SNX6: variants seen among roughly 807,000 people sequenced by gnomAD.
SNX6 encodes the protein sorting nexin-6.
Under a neutral mutation model 63.0 loss-of-function variants are expected in SNX6, and 34 were observed. The observed-to-expected ratio is 0.54, with a 90% confidence interval of 0.41 to 0.72. The LOEUF (loss-of-function observed/expected upper bound fraction) is 0.72. SNX6 is among the 30% of genes least tolerant of loss of function. SNX6 has a pLI of 0.00. For missense variants in SNX6, 398 were observed against 471.4 expected, an observed-to-expected ratio of 0.84 and a Z score of 1.44; for synonymous variants, 170 against 164.2, an observed-to-expected ratio of 1.04 and a Z score of -0.27.
At chr14:34,623,627 A>C (rs756621983) in intron 2 of SNX6, among the ~76,000 whole-genome samples, 1 of 152,210 alleles carries the variant, frequency 6.6e-6, no homozygotes, top group Non-Finnish European at 1.5e-5. Context: ...AGCACATGAA[A>C]GATGGGATAA....
intron 2 of SNX6, among the ~76,000 whole-genome samples, chr14:34,627,173 G>A (rs1426397863): frequency 2.6e-5 from 4 of 152,096 alleles, no homozygotes; most frequent in Non-Finnish European, 5.9e-5. Context: ...TTGGCCAGGC[G>A]CGGTGGCTCA....
intron 4 of SNX6, among the ~76,000 whole-genome samples, chr14:34,607,110 C>T (rs920158971): frequency 4.6e-5 from 7 of 151,956 alleles, no homozygotes; most frequent in African/African-American, 1.7e-4. Flanking sequence ...TATGGTTTGT[C>T]ACATCTCCTT....
intron 11 of SNX6, among the ~76,000 whole-genome samples, chr14:34,573,657 G>A (rs988052401): frequency 2.0e-5 from 3 of 148,976 alleles, no homozygotes; most frequent in African/African-American, 5.0e-5. Flanking sequence ...TATTTTTTTC[G>A]AGACGGAGTC....
intron 13 of SNX6, among the ~76,000 whole-genome samples, chr14:34,565,501 T>C (rs914466748): frequency 9.2e-5 from 14 of 152,176 alleles, no homozygotes; most frequent in Admixed American, 7.9e-4. Context: ...AGCAAAACTT[T>C]TGGTAGTTCA....
At chr14:34,573,775 T>C (rs1403556270) in intron 11 of SNX6, among the ~76,000 whole-genome samples, 1 of 151,758 alleles carries the variant, frequency 6.6e-6, no homozygotes, top group Non-Finnish European at 1.5e-5. Flanking sequence ...CTGGAGTAGC[T>C]GTGATTACAG....
At chr14:34,627,422 TCGGCCTGGGCG>T (rs1168505465) in intron 2 of SNX6, among the ~76,000 whole-genome samples, 4 of 150,956 alleles carry the variant, frequency 2.6e-5, no homozygotes, top group Non-Finnish European at 4.4e-5. Context: ...AGTCGGGCCT[TCGGCCTGGGCG>T]AAAGAGCGAG....
chr14:34,568,034 C>G, intron 11 of SNX6, 21 bp from the exon 12 acceptor site: 1 of 1,604,532 alleles, frequency 6.2e-7, no homozygotes, highest in Non-Finnish European at 8.5e-7. Flanking sequence ...GAATGCTTCA[C>G]AATAGTATAT....
chr14:34,620,196 T>C (rs1185400217), intron 2 of SNX6, among the ~76,000 whole-genome samples: 4 of 152,186 alleles, frequency 2.6e-5, no homozygotes, highest in Non-Finnish European at 5.9e-5. Flanking sequence ...CAGCAACAAT[T>C]CCAACTTTTA....
intron 2 of SNX6, among the ~76,000 whole-genome samples, chr14:34,611,563 C>G (rs1185632903): frequency 1.3e-5 from 2 of 151,208 alleles, no homozygotes; most frequent in African/African-American, 2.4e-5. Flanking sequence ...GCAGGTGGAT[C>G]ATGAGGTCAA....
At chr14:34,563,621 T>C (rs2138249896) in intron 13 of SNX6, among the ~76,000 whole-genome samples, 1 of 152,232 alleles carries the variant, frequency 6.6e-6, no homozygotes, top group East Asian at 1.9e-4. Context: ...TATCGATATA[T>C]TAGAAATTTT....
chr14:34,627,273 C>T (rs950371890), intron 2 of SNX6, among the ~76,000 whole-genome samples: 1 of 152,058 alleles, frequency 6.6e-6, no homozygotes, highest in East Asian at 1.9e-4. Context: ...GGTGAAACCC[C>T]GTCTCTACTA....
At chr14:34,608,820 G>A (rs1687181299) in intron 3 of SNX6, among the ~76,000 whole-genome samples, 1 of 151,358 alleles carries the variant, frequency 6.6e-6, no homozygotes, top group Admixed American at 6.6e-5. Context: ...CTTGAGGTCA[G>A]GAGTTCGAGA....
At chr14:34,611,322 C>T (rs1883217629) in intron 2 of SNX6, among the ~76,000 whole-genome samples, 1 of 152,124 alleles carries the variant, frequency 6.6e-6, no homozygotes, top group Admixed American at 6.6e-5. Context: ...ACAAAAAATA[C>T]AAAAATTAGC....
In SNX6 at chr14:34,628,351, C is replaced by T. The variant is rs371639012; in HGVS notation, c.54+1556G>A. Among the ~76,000 whole-genome samples, 56 of 152,188 alleles carry T rather than the reference C, an allele frequency of 3.7e-4. No individual in the cohort carries two copies. In the East Asian group the frequency reaches 9.9e-3, roughly 27 times the overall value. ...GCGGGCGCCTGTAGTCCCAGCTACT[C>T]GGGAGGCTGAGGCAGGAGAATGGCG... On this transcript the variant is annotated intron_variant, in intron 2 of 13. Coordinates refer to ENST00000362031, the MANE Select transcript of SNX6 (RefSeq NM_152233.4).
chr14:34,566,842 G>A (rs1483824091), intron 13 of SNX6, among the ~76,000 whole-genome samples: 2 of 152,134 alleles, frequency 1.3e-5, no homozygotes, highest in African/African-American at 2.4e-5. Flanking sequence ...GGCTGAGGCA[G>A]GAGGATTAAC....
intron 10 of SNX6, among the ~76,000 whole-genome samples, chr14:34,580,096 T>C (rs754440823): frequency 4.6e-5 from 7 of 152,092 alleles, no homozygotes; most frequent in Non-Finnish European, 7.4e-5. Flanking sequence ...AGAGAATCGC[T>C]TGAACCTGGG....
intron 2 of SNX6, among the ~76,000 whole-genome samples, chr14:34,620,701 G>A (rs989398647): frequency 1.3e-5 from 2 of 152,082 alleles, no homozygotes; most frequent in Non-Finnish European, 2.9e-5. Context: ...AGCACTTTGG[G>A]AGGCTGAGGC....
At chr14:34,600,202 G>A (rs1363694647) in intron 6 of SNX6, among the ~76,000 whole-genome samples, 1 of 152,106 alleles carries the variant, frequency 6.6e-6, no homozygotes, top group Non-Finnish European at 1.5e-5. Flanking sequence ...TCAGCTCACT[G>A]CAGCCTCCGC....
chr14:34,614,898 A>T (rs1190993353), intron 2 of SNX6, among the ~76,000 whole-genome samples: 1 of 152,132 alleles, frequency 6.6e-6, no homozygotes, highest in Non-Finnish European at 1.5e-5. Flanking sequence ...CCTATTTCAA[A>T]AATTTTTCTT....
Sources: allele counts gnomAD v4.1 joint callset (sites outside exome capture counted in the v4.1 genomes callset), GRCh38; gene constraint gnomAD v4.1.1; transcripts MANE v1.5; gene names NCBI Gene and HGNC (gene_info 2026-07-23, HGNC 2026-07-21).